The following B3GALT1 variants were observed in gnomAD, a reference collection of about 807,000 sequenced individuals.
B3GALT1 encodes the protein beta-1,3-galactosyltransferase 1.
B3GALT1 carries 10 observed loss-of-function variants against 23.2 expected under a neutral mutation model. The observed-to-expected ratio is 0.43, with a 90% CI of 0.27 to 0.73. The LOEUF (loss-of-function observed/expected upper bound fraction) is 0.73. Ranked by LOEUF, B3GALT1 falls within the 30% of genes least tolerant of loss-of-function variation. The pLI is 0.21. For missense variants in B3GALT1, 299 were observed against 405.4 expected, an observed-to-expected ratio of 0.74 and a Z score of 2.25; for synonymous variants, 156 against 141.5, an observed-to-expected ratio of 1.10 and a Z score of -0.73.
chr2:167,679,116 GTTTTTGTT>G (rs1212846020), intron 3 of B3GALT1, among the ~76,000 whole-genome samples: 2 of 115,708 alleles, frequency 1.7e-5, no homozygotes, highest in African/African-American at 5.3e-5. Context: ...TTGTTTTTTT[GTTTTTGTT>G]TTTTTTTTTG....
intron 2 of B3GALT1, among the ~76,000 whole-genome samples, chr2:167,551,322 G>A (rs1276781926): frequency 6.6e-6 from 1 of 152,182 alleles, no homozygotes; most frequent in East Asian, 1.9e-4. Context: ...GTTTGATTGA[G>A]CTGGTGGAAG....
intron 1 of B3GALT1, among the ~76,000 whole-genome samples, chr2:167,303,879 G>A (rs1277606085): frequency 6.6e-6 from 1 of 152,038 alleles, no homozygotes; most frequent in Non-Finnish European, 1.5e-5. Context: ...ACTGTGGGTT[G>A]GGAGGTTGTT....
chr2:167,869,946 G>C lies in B3GALT1; in HGVS notation c.907G>C (p.Val303Leu). The C allele has an allele frequency of 1.2e-6, 2 of 1,613,984 alleles. No individual in the cohort carries two copies. The highest frequency in any genetic ancestry group is 1.7e-6 in the Non-Finnish European group (2 of 1,179,968). Residue 303 changes from valine (V) to leucine (L), a missense_variant, in exon 5 of 5, where the codon GTG becomes CTG. By Grantham distance (32) the Val-to-Leu change is conservative. Coordinates refer to ENST00000392690, the MANE Select transcript of B3GALT1 (RefSeq NM_020981.4). The surrounding 1 kb of genome is among the most constrained non-coding windows in gnomAD (Gnocchi z 6.4). ...GTGTAGGTATCGCCGAGTTATCACT[G>C]TGCATCAGATCTCTCCAGAAGAAAT... is the stretch of plus-strand genomic sequence containing the variant. ...SLCRYRRVITVHQISPEEMHR... is the reference protein window; with the variant it reads ...SLCRYRRVITLHQISPEEMHR...
At chr2:167,300,085 A>G (rs943742832) in intron 1 of B3GALT1, among the ~76,000 whole-genome samples, 8 of 152,020 alleles carry the variant, frequency 5.3e-5, no homozygotes, top group Non-Finnish European at 1.2e-4. Context: ...TTGTATTTTT[A>G]GTAGATACGG....
At chr2:167,554,407 G>A (rs1448604629) in intron 2 of B3GALT1, among the ~76,000 whole-genome samples, 1 of 152,208 alleles carries the variant, frequency 6.6e-6, no homozygotes, top group Non-Finnish European at 1.5e-5. Context: ...CACTCAGTAA[G>A]TAATGGTGGA....
intron 4 of B3GALT1, among the ~76,000 whole-genome samples, chr2:167,835,379 T>C (rs1349748989): frequency 1.3e-5 from 2 of 152,182 alleles, no homozygotes; most frequent in African/African-American, 4.8e-5. Context: ...CAGGAGATTA[T>C]ATCCTGCACC....
chr2:167,655,110 A>T (rs11686457), intron 3 of B3GALT1, among the ~76,000 whole-genome samples: 42,641 of 151,954 alleles, frequency 0.28, 6,595 homozygotes, highest in African/African-American at 0.4. Flanking sequence ...TAATCTTGAT[A>T]TTTTTTTACT....
intron 2 of B3GALT1, among the ~76,000 whole-genome samples, chr2:167,539,978 A>G (rs920460614): frequency 6.6e-6 from 1 of 152,190 alleles, no homozygotes; most frequent in African/African-American, 2.4e-5. Flanking sequence ...CATACTGAAT[A>G]TGATTCAGAT....
intron 4 of B3GALT1, among the ~76,000 whole-genome samples, chr2:167,825,913 A>C (rs1689212896): frequency 6.6e-6 from 1 of 152,220 alleles, no homozygotes; most frequent in Non-Finnish European, 1.5e-5. Flanking sequence ...TTAAATACTG[A>C]TAAAGATCTT....
At chr2:167,745,935 A>G (rs1687645078) in intron 3 of B3GALT1, among the ~76,000 whole-genome samples, 1 of 152,060 alleles carries the variant, frequency 6.6e-6, no homozygotes, top group African/African-American at 2.4e-5. Flanking sequence ...TAATATCCTC[A>G]TATTATTCTT....
intron 2 of B3GALT1, among the ~76,000 whole-genome samples, chr2:167,604,387 T>C (rs1471652622): frequency 6.6e-6 from 1 of 152,220 alleles, no homozygotes; most frequent in Non-Finnish European, 1.5e-5. Flanking sequence ...AGGGACATTA[T>C]TGGTTACTGA....
At chr2:167,732,878 G>A (rs1253512894) in intron 3 of B3GALT1, among the ~76,000 whole-genome samples, 1 of 152,200 alleles carries the variant, frequency 6.6e-6, no homozygotes, top group Non-Finnish European at 1.5e-5. Flanking sequence ...TTAACAGCCA[G>A]CACTTTGAGT....
intron 3 of B3GALT1, among the ~76,000 whole-genome samples, chr2:167,694,637 C>T (rs1686765513): frequency 6.6e-6 from 1 of 152,026 alleles, no homozygotes; most frequent in Non-Finnish European, 1.5e-5. Flanking sequence ...AGGCACAAGC[C>T]ACTAAGATAA....
chr2:167,558,470 C>G (rs749477823), intron 2 of B3GALT1: 2 of 152,630 alleles, frequency 1.3e-5, no homozygotes, highest in East Asian at 1.9e-4. Context: ...ACAGTGAGTG[C>G]AGCACACCAT....
chr2:167,348,497 T>C (rs1401037947), intron 1 of B3GALT1, among the ~76,000 whole-genome samples: 2 of 152,324 alleles, frequency 1.3e-5, no homozygotes, highest in East Asian at 3.9e-4. Context: ...ATTGAAGTAA[T>C]TGATAAGAGT....
At chr2:167,715,400 T>C (rs1435059831) in intron 3 of B3GALT1, 1 of 1,612,800 alleles carries the variant, frequency 6.2e-7, no homozygotes, top group African/African-American at 1.3e-5. Context: ...AAGCTGTTTC[T>C]GGCTTTCCTG....
intron 2 of B3GALT1, among the ~76,000 whole-genome samples, chr2:167,548,907 C>G (rs1033018800): frequency 2.0e-5 from 3 of 151,946 alleles, no homozygotes; most frequent in East Asian, 1.9e-4. Context: ...CTCTTCTGTT[C>G]AGGAATATAT....
intron 1 of B3GALT1, among the ~76,000 whole-genome samples, chr2:167,293,613 A>G (rs1696294610): frequency 6.6e-6 from 1 of 152,118 alleles, no homozygotes. Context: ...CTTTGCAGCG[A>G]GAACAGTGGG....
intron 1 of B3GALT1, among the ~76,000 whole-genome samples, chr2:167,410,528 T>C (rs1412575981): frequency 6.9e-6 from 1 of 144,522 alleles, no homozygotes; most frequent in Non-Finnish European, 1.5e-5. Context: ...AGTTCAACAA[T>C]GAGAACACAT....
Sources: allele counts gnomAD v4.1 joint callset (sites outside exome capture counted in the v4.1 genomes callset), GRCh38; gene constraint gnomAD v4.1.1; non-coding constraint Gnocchi (gnomAD v3.1); transcripts MANE v1.5; gene names NCBI Gene and HGNC (gene_info 2026-07-23, HGNC 2026-07-21).